The following DOCK6 variants were observed in gnomAD, a reference collection of about 807,000 sequenced individuals.
The protein encoded by DOCK6 is dedicator of cytokinesis protein 6.
In DOCK6, 167 loss-of-function variants were observed where a neutral mutation model predicts 230.3. The observed-to-expected ratio is 0.73, with a 90% CI of 0.64 to 0.82. DOCK6 has a LOEUF of 0.82. Among genes scored for constraint, DOCK6 ranks in the 40% least tolerant of loss-of-function variants. DOCK6 has a pLI of 0.00. For missense variants in DOCK6, 2,598 were observed against 2,825.8 expected, an observed-to-expected ratio of 0.92 and a Z score of 1.83; for synonymous variants, 1,148 against 1,185.0, an observed-to-expected ratio of 0.97 and a Z score of 0.64.
chr19:11,229,423 A>G, intron 22 of DOCK6: 1 of 1,012,426 alleles, frequency 9.9e-7, no homozygotes, highest in African/African-American at 1.7e-5. Context: ...GGAGAAGGTT[A>G]GTGTGGATGA....
chr19:11,252,892 C>T lies in DOCK6; in HGVS notation c.199G>A (p.Ala67Thr). The T allele has an allele frequency of 1.2e-6, 2 of 1,613,748 alleles. No homozygotes were observed. The highest frequency in any genetic ancestry group is 4.5e-5 in the East Asian group (2 of 44,870). Residue 67 changes from alanine to threonine, a missense_variant, in exon 3 of 48, where the codon GCT becomes ACT. Coordinates refer to ENST00000294618, the MANE Select transcript of DOCK6 (RefSeq NM_020812.4). ...AGGTCCCTGAGGGGCCCGGGCTCAG[C>T]ATCTGGTGGCCGGCTCAGAAGTACA... ...EDVLLSRPPD[A>T]EPGPLRDLVE... is the part of the protein sequence containing the mutation.
In DOCK6 at chr19:11,236,392, C is replaced by T. The variant is rs373464992; in HGVS notation, c.2346G>A (p.Lys782=). 166 of 1,584,564 alleles carry T rather than the reference C, an allele frequency of 1.0e-4. 1 individual carries two copies. The African/African-American group carries it at 2.1e-3, about 20-fold the overall frequency. ...LVAFSHHVLD[K]LVRLVIRPPI... ...GGGGCCTGATGACCAGACGCACGAG[C>T]TTGTCCAGCACGTGGTGGGAGAAGG... Residue 782 remains lysine, a synonymous_variant, in exon 20 of 48, where the codon AAG becomes AAA. Coordinates refer to ENST00000294618, the MANE Select transcript of DOCK6 (RefSeq NM_020812.4). This position sits in a 1 kb window ranked among gnomAD's most constrained non-coding sequence, Gnocchi z 5.2.
At position 11,236,753 on chromosome 19, in the gene DOCK6, G is replaced by C; in HGVS notation, c.2160+40C>G. On this transcript the variant is annotated intron_variant, in intron 19 of 47. Coordinates refer to ENST00000294618, the MANE Select transcript of DOCK6 (RefSeq NM_020812.4). The surrounding 1 kb of genome is among the most constrained non-coding windows in gnomAD (Gnocchi z 5.2). ...ACTCAATCGTAGGGCAGGCAAGAGG[G>C]GAGCAGGGCGGGACTCTTGGTTCCC... 1.3e-6 allele frequency: 2 copies of C among 1,549,092 alleles called. No individual in the cohort carries two copies.
chr19:11,212,205 A>G, intron 35 of DOCK6, 54 bp from the exon 36 acceptor site: 1 of 1,572,128 alleles, frequency 6.4e-7, no homozygotes, highest in Admixed American at 1.7e-5. Context: ...CCCAGACCCC[A>G]CATCAGAGTC....
In DOCK6 at chr19:11,214,618, C is replaced by T. The variant is rs765273065; in HGVS notation, c.4138G>A (p.Val1380Met). 4 of 1,613,712 alleles carry T rather than the reference C, an allele frequency of 2.5e-6. No homozygotes were observed. Among genetic ancestry groups the T allele is most frequent in the South Asian group, 1.1e-5 (1 of 91,082 alleles). The change falls in exon 33 of 48, where the codon GTG becomes ATG. Residue 1380 changes from valine to methionine, a missense_variant. Physicochemically the swap from Val to Met is conservative, Grantham distance 21. Transcript: ENST00000294618. ...TKDEMEHEAL[V>M]EGNLATEASL... ...GCCTCGGTTGCCAGGTTCCCTTCCA[C>T]CAAGGCCTCGTGTTCCATTTCATCC...
At position 11,250,882 on chromosome 19, in the gene DOCK6, G is replaced by T. The variant is rs766764298; in HGVS notation, c.712C>A (p.Pro238Thr). ...TGGGAAGGGGCACCCACCTCGTCAGGTGCCGGGTAGAGGGTGAGCAGGGCC... is the reference window on the plus strand; with the variant it reads ...TGGGAAGGGGCACCCACCTCGTCAGTTGCCGGGTAGAGGGTGAGCAGGGCC... ...PPALLTLYPAPDEDEAVERCS... is the reference protein window; with the variant it reads ...PPALLTLYPATDEDEAVERCS... Residue 238 changes from proline (P) to threonine (T), a missense_variant, in exon 6 of 48, where the codon CCT (proline) becomes ACT (threonine). By Grantham distance (38) the Pro-to-Thr change is conservative. Coordinates refer to ENST00000294618, the MANE Select transcript of DOCK6 (RefSeq NM_020812.4). The T allele has an allele frequency of 2.9e-5, 47 of 1,595,656 alleles. No individual in the cohort carries two copies. The East Asian group carries it at 1.0e-3, about 35-fold the overall frequency.
intron 6 of DOCK6, 32 bp from the exon 7 acceptor site, chr19:11,248,183 G>GGT: frequency 8.5e-7 from 1 of 1,182,828 alleles, no homozygotes; most frequent in Non-Finnish European, 1.2e-6. Flanking sequence ...AGCTGGGCGG[G>GGT]AGGAGCTGGG....
At chr19:11,214,985 C>T (rs1299820167) in intron 32 of DOCK6, among the ~76,000 whole-genome samples, 1 of 151,142 alleles carries the variant, frequency 6.6e-6, no homozygotes, top group Non-Finnish European at 1.5e-5. Flanking sequence ...CTCTGTCACC[C>T]AGGCTGGAGT....
Position 11,208,039 on chromosome 19 carries a change from T to G in DOCK6, c.5088+647A>C, listed in dbSNP as rs181215159. ...TGGGAGGCTGAGGTGGGAGGATTAC[T>G]TGAGCTCAGGAGTTCGAGGCTGAGT... On this transcript the variant is annotated intron_variant, in intron 39 of 47. Coordinates refer to ENST00000294618, the MANE Select transcript of DOCK6 (RefSeq NM_020812.4). Among the ~76,000 whole-genome samples the G allele has an allele frequency of 5.3e-4, 81 of 152,076 alleles. No individual in the cohort carries two copies. The East Asian group carries it at 0.014, about 26-fold the overall frequency.
rs537542258 is a variant in DOCK6, at chr19:11,209,006, C to T, written c.4849G>A (p.Ala1617Thr). ...GCGGCCGCGTGCACCATGCACTGGG[C>T]GGCCTCGGCGTGGTTGCCCAGCTCC... ...HAELGNHAEAAQCMVHAAALV... is the reference protein window; with the variant it reads ...HAELGNHAEATQCMVHAAALV... The change falls in exon 38 of 48, where the codon GCC (alanine) becomes ACC (threonine). Residue 1617 changes from alanine to threonine, a missense_variant. Coordinates refer to ENST00000294618, the MANE Select transcript of DOCK6 (RefSeq NM_020812.4). 24 of 1,611,204 alleles carry T rather than the reference C, an allele frequency of 1.5e-5. No individual in the cohort carries two copies. The highest frequency in any genetic ancestry group is 4.0e-5 in the African/African-American group (3 of 74,954).
rs764773694 is a variant in DOCK6, at chr19:11,245,890, T to C, written c.807-12A>G. ...TTTCAATCTCGAACCTACAAGTAAA[T>C]GGGAGGGAGGGGGCTCTCCTTAACA... On this transcript the variant is annotated splice_polypyrimidine_tract_variant and intron_variant, in intron 7 of 47. Coordinates refer to ENST00000294618, the MANE Select transcript of DOCK6 (RefSeq NM_020812.4). 53 of 1,556,216 alleles carry C rather than the reference T, an allele frequency of 3.4e-5. 1 individual carries two copies. In the East Asian group the frequency reaches 1.2e-3, roughly 35 times the overall value.
At chr19:11,212,209 CAG>C (rs937790152) in intron 35 of DOCK6, 58 bp from the exon 36 acceptor site, 5 of 1,566,886 alleles carry the variant, frequency 3.2e-6, no homozygotes, top group Admixed American at 1.8e-5. Flanking sequence ...GACCCCACAT[CAG>C]AGTCTGCTCA....
At chr19:11,209,315 C>G (rs2079321994) in intron 37 of DOCK6, among the ~76,000 whole-genome samples, 1 of 151,478 alleles carries the variant, frequency 6.6e-6, no homozygotes, top group Non-Finnish European at 1.5e-5. Context: ...TATTTTCTTA[C>G]CTGCTGGCCA....
intron 9 of DOCK6, 127 bp downstream of exon 9, chr19:11,245,436 G>T: frequency 9.4e-7 from 1 of 1,058,840 alleles, no homozygotes; most frequent in Non-Finnish European, 1.4e-6. Flanking sequence ...CCTCCTCCCT[G>T]CCTGTGTTTC....
intron 6 of DOCK6, 41 bp from the exon 7 acceptor site, chr19:11,248,192 G>C: frequency 6.8e-7 from 1 of 1,478,844 alleles, no homozygotes; most frequent in Non-Finnish European, 9.3e-7. Flanking sequence ...GGAGGAGCTG[G>C]GACATCCTCC....
intron 37 of DOCK6, among the ~76,000 whole-genome samples, chr19:11,210,003 C>T (rs1157769752): frequency 7.1e-6 from 1 of 140,288 alleles, no homozygotes; most frequent in African/African-American, 2.7e-5. Flanking sequence ...CCATCCCTCA[C>T]CTGCCCACCT....
chr19:11,235,308 T>C (rs1303230032), intron 21 of DOCK6, among the ~76,000 whole-genome samples: 2 of 152,150 alleles, frequency 1.3e-5, no homozygotes, highest in Non-Finnish European at 2.9e-5. Context: ...GGTTTCACCA[T>C]GTTGGCCAGG....
chr19:11,229,337 C>A, intron 22 of DOCK6: 1 of 1,149,746 alleles, frequency 8.7e-7, no homozygotes, highest in Non-Finnish European at 1.1e-6. Context: ...CTGGTGGGGC[C>A]GAGGAGGAAC....
rs759546637 is a variant in DOCK6 at position 11,245,707 on chromosome 19, C to G, written c.879G>C (p.Ser293=). Residue 293 remains serine, a synonymous_variant, in exon 9 of 48, where the codon TCG becomes TCC. Transcript: ENST00000294618. ...LYDVREKKKI[S]ENFYFDLNSD... Reference sequence around the variant, plus strand: ...AGTTCAGGTCGAAGTAGAAGTTCTCCGAGATCTGGGGACACCAGAGGCAGC... The same window carrying G: ...AGTTCAGGTCGAAGTAGAAGTTCTCGGAGATCTGGGGACACCAGAGGCAGC... 2 of 1,603,592 alleles carry G rather than the reference C, an allele frequency of 1.2e-6. No individual in the cohort carries two copies. The highest frequency in any genetic ancestry group is 1.3e-5 in the African/African-American group (1 of 74,684).
Sources: allele counts gnomAD v4.1 joint callset (sites outside exome capture counted in the v4.1 genomes callset), GRCh38; gene constraint gnomAD v4.1.1; non-coding constraint Gnocchi (gnomAD v3.1); transcripts MANE v1.5; gene names NCBI Gene and HGNC (gene_info 2026-07-23, HGNC 2026-07-21).